CDH17: variants seen among roughly 807,000 people sequenced by gnomAD.
The protein encoded by CDH17 is cadherin-17.
CDH17 carries 67 observed loss-of-function variants against 86.3 expected under a neutral mutation model. The ratio of observed to expected loss-of-function variants is 0.78; its 90% CI spans 0.64 to 0.95. The LOEUF is 0.95. CDH17 is among the 40% of genes least tolerant of loss of function. The probability of loss-of-function intolerance (pLI) is 0.00; values close to 1 mark genes in which losing one functional copy is unlikely to be tolerated. For synonymous variants in CDH17, 367 were observed against 366.4 expected, an observed-to-expected ratio of 1.00 and a Z score of -0.02; for missense variants, 993 against 1,017.6, an observed-to-expected ratio of 0.98 and a Z score of 0.33.
intron 1 of CDH17, among the ~76,000 whole-genome samples, chr8:94,207,788 T>C (rs2129662312): frequency 6.6e-6 from 1 of 152,266 alleles, no homozygotes; most frequent in South Asian, 2.1e-4. Flanking sequence ...TATCGGACCA[T>C]TGAAGATACC....
intron 2 of CDH17, among the ~76,000 whole-genome samples, chr8:94,194,385 A>G (rs1019496091): frequency 4.6e-5 from 7 of 152,212 alleles, no homozygotes; most frequent in Admixed American, 4.6e-4. Flanking sequence ...AACATTACCC[A>G]TAACTGGTGT....
chr8:94,177,888 G>T (rs1813406269), intron 3 of CDH17, among the ~76,000 whole-genome samples, 167 bp from the exon 4 acceptor site: 1 of 152,212 alleles, frequency 6.6e-6, no homozygotes, highest in South Asian at 2.1e-4. Flanking sequence ...CACAATAACT[G>T]TGTAACATTT....
chr8:94,176,462 C>T (rs1230373733), intron 5 of CDH17, 79 bp downstream of exon 5: 25 of 1,465,824 alleles, frequency 1.7e-5, no homozygotes, highest in Non-Finnish European at 2.4e-5. Flanking sequence ...ACAGCTGCAG[C>T]TATTAGCCAC....
At chr8:94,188,441 C>A (rs1444145629) in intron 3 of CDH17, among the ~76,000 whole-genome samples, 4 of 152,132 alleles carry the variant, frequency 2.6e-5, no homozygotes, top group Admixed American at 6.5e-5. Context: ...CTGCCACTTC[C>A]CTGGTTCAGG....
intron 5 of CDH17, among the ~76,000 whole-genome samples, chr8:94,175,061 CT>C (rs1012391424): frequency 2.6e-5 from 4 of 152,120 alleles, no homozygotes; most frequent in African/African-American, 9.7e-5. Context: ...CCAATGGTCA[CT>C]TGAAATAGGC....
intron 15 of CDH17, among the ~76,000 whole-genome samples, chr8:94,134,989 T>G (rs931874902): frequency 1.3e-5 from 2 of 152,186 alleles, no homozygotes; most frequent in South Asian, 4.1e-4. Context: ...GTTTTTGTCC[T>G]GAGTTCTAAT....
chr8:94,206,550 A>G (rs1814030214), intron 1 of CDH17, among the ~76,000 whole-genome samples: 1 of 152,220 alleles, frequency 6.6e-6, no homozygotes, highest in African/African-American at 2.4e-5. Flanking sequence ...TGTGGAAGAA[A>G]AATGAGGGAC....
chr8:94,190,998 G>C (rs12056835), intron 2 of CDH17, among the ~76,000 whole-genome samples: 1 of 152,014 alleles, frequency 6.6e-6, no homozygotes, highest in Admixed American at 6.6e-5. Context: ...CCACTGCCAA[G>C]CCCTCTCCTT....
At chr8:94,190,987 G>C (rs1448069067) in intron 2 of CDH17, among the ~76,000 whole-genome samples, 1 of 152,136 alleles carries the variant, frequency 6.6e-6, no homozygotes, top group South Asian at 2.1e-4. Flanking sequence ...CTGCCCCTGG[G>C]CCACTGCCAA....
intron 3 of CDH17, among the ~76,000 whole-genome samples, chr8:94,180,343 A>C (rs1039459922): frequency 6.6e-6 from 1 of 152,156 alleles, no homozygotes; most frequent in African/African-American, 2.4e-5. Flanking sequence ...AGGAAAGGAA[A>C]AAGGGGGAAA....
chr8:94,170,333 T>G, intron 9 of CDH17, 64 bp downstream of exon 9: 1 of 1,554,888 alleles, frequency 6.4e-7, no homozygotes, highest in Non-Finnish European at 8.8e-7. Flanking sequence ...CTGCTCACCT[T>G]TTACCCAGCA....
chr8:94,182,765 G>A (rs1813508100), intron 3 of CDH17, among the ~76,000 whole-genome samples: 1 of 151,782 alleles, frequency 6.6e-6, no homozygotes, highest in Admixed American at 6.6e-5. Flanking sequence ...TCTAGCAAGG[G>A]GAATTAGGCA....
At chr8:94,199,716 G>T (rs1813867484) in intron 1 of CDH17, among the ~76,000 whole-genome samples, 1 of 152,146 alleles carries the variant, frequency 6.6e-6, no homozygotes, top group Admixed American at 6.5e-5. Flanking sequence ...CCACACGTAG[G>T]GTGCCATGAT....
chr8:94,196,756 T>C (rs999745401), intron 1 of CDH17, among the ~76,000 whole-genome samples: 9 of 152,174 alleles, frequency 5.9e-5, no homozygotes, highest in Non-Finnish European at 1.3e-4. Flanking sequence ...AGCTGGAAGT[T>C]TCCACAGGTG....
chr8:94,207,839 T>C (rs993756395), intron 1 of CDH17, among the ~76,000 whole-genome samples: 2 of 152,280 alleles, frequency 1.3e-5, no homozygotes, highest in East Asian at 3.9e-4. Context: ...AACCACACAT[T>C]AGCAGGTGGT....
Position 94,145,974 on chromosome 8 carries a change from G to A in CDH17, c.2121C>T (p.Leu707=), listed in dbSNP as rs145864525. The change falls in exon 15 of 18, where the codon CTC becomes CTT. Residue 707 remains leucine, a synonymous_variant. Transcript: ENST00000027335. ...LFRGPHFTFS[L]GSGSLQNDWE... The stretch of plus-strand genomic sequence containing the variant: ...AGTCGTTTTGTAAGCTTCCACTGCC[G>A]AGGGAAAATGTAAAATGGGGACCCC... The A allele has an allele frequency of 6.4e-4, 1,027 of 1,613,576 alleles. 2 individuals are homozygous for A. Among genetic ancestry groups the A allele is most frequent in the African/African-American group, 4.8e-3 (362 of 74,972 alleles).
chr8:94,203,692 A>G (rs1057186497), intron 1 of CDH17, among the ~76,000 whole-genome samples: 2 of 152,218 alleles, frequency 1.3e-5, no homozygotes, highest in Non-Finnish European at 2.9e-5. Context: ...GGACCCAATT[A>G]AAGTGGCCAT....
chr8:94,146,714 T>A (rs957036742), intron 14 of CDH17, among the ~76,000 whole-genome samples: 2 of 152,256 alleles, frequency 1.3e-5, no homozygotes, highest in African/African-American at 4.8e-5. Flanking sequence ...CTCAGTGCTT[T>A]GGTTTCCTTG....
Position 94,130,704 on chromosome 8 carries a change from G to A in CDH17, c.2320C>T (p.Arg774Trp), listed in dbSNP as rs199497492. The change falls in exon 17 of 18, where the codon CGG becomes TGG. Residue 774 changes from arginine (R) to tryptophan (W), a missense_variant. Arg to Trp is a moderately radical substitution (Grantham distance 101). Transcript: ENST00000027335. The stretch of plus-strand genomic sequence containing the variant: ...ATCCCAGTCTGGTGACCTGCTGGCC[G>A]GAAACAACTTCCTTCCACACAACTG... ...FCSCVEGSCF[R>W]PAGHQTGIPT... 1.4e-5 allele frequency: 22 copies of A among 1,613,790 alleles called. No individual in the cohort carries two copies. The highest frequency in any genetic ancestry group is 4.4e-5 in the South Asian group (4 of 91,064).
Sources: allele counts gnomAD v4.1 joint callset (sites outside exome capture counted in the v4.1 genomes callset), GRCh38; gene constraint gnomAD v4.1.1; transcripts MANE v1.5; gene names NCBI Gene and HGNC (gene_info 2026-07-23, HGNC 2026-07-21).